Variants in AUTS2 observed in about 807,000 individuals in gnomAD.
AUTS2 encodes the protein activator of transcription and developmental regulator AUTS2.
AUTS2 carries 17 observed loss-of-function variants against 112.4 expected under a neutral mutation model. The observed-to-expected ratio is 0.15, with a 90% CI of 0.10 to 0.23. The LOEUF (loss-of-function observed/expected upper bound fraction) is 0.23, where lower values mean the gene tolerates loss of function less well. AUTS2 is among the 10% of genes least tolerant of loss of function. AUTS2 has a pLI of 1.00. For synonymous variants in AUTS2, 751 were observed against 702.7 expected, an observed-to-expected ratio of 1.07 and a Z score of -1.09; for missense variants, 1,510 against 1,701.6, an observed-to-expected ratio of 0.89 and a Z score of 1.98.
At chr7:70,662,306 C>A (rs1454476565) in intron 5 of AUTS2, among the ~76,000 whole-genome samples, 2 of 152,248 alleles carry the variant, frequency 1.3e-5, no homozygotes, top group Non-Finnish European at 2.9e-5. Context: ...TATCCTGGAA[C>A]AGGCACCACC....
At chr7:69,655,661 C>T in intron 1 of AUTS2, among the ~76,000 whole-genome samples, 1 of 152,078 alleles carries the variant, frequency 6.6e-6, no homozygotes, top group Non-Finnish European at 1.5e-5. Flanking sequence ...CCTCTTGGCC[C>T]CACCCAGAGA....
intron 5 of AUTS2, among the ~76,000 whole-genome samples, chr7:70,550,488 A>C: frequency 6.6e-6 from 1 of 152,206 alleles, no homozygotes. Flanking sequence ...AAAGAAGTTA[A>C]GCCCCATTTG....
chr7:70,614,352 C>T (rs1029898635), intron 5 of AUTS2, among the ~76,000 whole-genome samples: 4 of 152,144 alleles, frequency 2.6e-5, no homozygotes, highest in African/African-American at 4.8e-5. Flanking sequence ...TCCATGACAA[C>T]GCCTTGGATG....
chr7:69,957,053 T>C (rs1797242030), intron 2 of AUTS2, among the ~76,000 whole-genome samples: 2 of 148,942 alleles, frequency 1.3e-5, no homozygotes, highest in African/African-American at 2.4e-5. Context: ...GTTCTTTCTT[T>C]TTTTTTTTTT....
chr7:69,683,738 A>G (rs1461055199), intron 1 of AUTS2, among the ~76,000 whole-genome samples: 1 of 147,494 alleles, frequency 6.8e-6, no homozygotes, highest in Non-Finnish European at 1.5e-5. Context: ...TGTCTCTACT[A>G]AAAAAAAAAC....
At chr7:70,122,649 T>C (rs1185715091) in intron 3 of AUTS2, among the ~76,000 whole-genome samples, 1 of 152,172 alleles carries the variant, frequency 6.6e-6, no homozygotes, top group Non-Finnish European at 1.5e-5. Context: ...GAAAAAAATT[T>C]GTGGGCATAT....
At chr7:70,135,452 A>T (rs1584774276) in intron 4 of AUTS2, among the ~76,000 whole-genome samples, 1 of 152,190 alleles carries the variant, frequency 6.6e-6, no homozygotes, top group African/African-American at 2.4e-5. Context: ...TAGTGAAATC[A>T]TGAAAATCAA....
At chr7:70,630,981 T>C (rs1341486426) in intron 5 of AUTS2, among the ~76,000 whole-genome samples, 1 of 152,216 alleles carries the variant, frequency 6.6e-6, no homozygotes, top group Non-Finnish European at 1.5e-5. Context: ...AAATGGATTT[T>C]TTTTTTGAGC....
In AUTS2 at chr7:70,094,717, T is replaced by C. The variant is rs1804100074; in HGVS notation, c.523-23415T>C. Among the ~76,000 whole-genome samples the C allele has an allele frequency of 2.0e-5, 3 of 152,274 alleles. No individual in the cohort carries two copies. In the South Asian group the frequency reaches 6.2e-4, roughly 32 times the overall value. On this transcript the variant is annotated intron_variant, in intron 2 of 18. Transcript: ENST00000342771. Reference sequence around the variant, plus strand: ...CCCCATCCTCAGACCCTGCCAACAATTGAAAGTCTGAGAGGTAATAAGAAA... The same window carrying C: ...CCCCATCCTCAGACCCTGCCAACAACTGAAAGTCTGAGAGGTAATAAGAAA...
At position 69,866,970 on chromosome 7, in the gene AUTS2, T is replaced by C. The variant is rs1007425767; in HGVS notation, c.310-32316T>C. Among the ~76,000 whole-genome samples the C allele has an allele frequency of 3.3e-5, 5 of 152,304 alleles. No homozygotes were observed. In the East Asian group the frequency reaches 9.7e-4, roughly 29 times the overall value. The stretch of plus-strand genomic sequence containing the variant: ...TCTGTCAGCCTGGAAAAAGGACCCA[T>C]GTATCACTCAGTGGTTCTTTAGCCA... On this transcript the variant is annotated intron_variant, in intron 1 of 18. Transcript: ENST00000342771.
At position 70,763,177 on chromosome 7, in the gene AUTS2, C is replaced by G; in HGVS notation, c.1050C>G (p.Leu350=). Residue 350 remains leucine (L), a synonymous_variant, in exon 7 of 19, where the codon CTC becomes CTG. Transcript: ENST00000342771. The part of the protein sequence containing the change: ...QPPQGPPEAQ[L]QPAPQPQVQR... ...CACAGGGCCCTCCTGAGGCCCAGCTCCAGCCTGCCCCGCAGCCTCAGGTGC... is the reference window on the plus strand; with the variant it reads ...CACAGGGCCCTCCTGAGGCCCAGCTGCAGCCTGCCCCGCAGCCTCAGGTGC... 11 of 1,613,970 alleles carry G rather than the reference C, an allele frequency of 6.8e-6. No individual in the cohort carries two copies. Among genetic ancestry groups the G allele is most frequent in the Non-Finnish European group, 9.3e-6 (11 of 1,179,934 alleles).
chr7:69,849,273 A>T (rs1792352659), intron 1 of AUTS2, among the ~76,000 whole-genome samples: 1 of 152,220 alleles, frequency 6.6e-6, no homozygotes, highest in Non-Finnish European at 1.5e-5. Flanking sequence ...ATAGGTTTTT[A>T]AAATCTATTA....
chr7:70,123,687 T>C (rs186353059), intron 3 of AUTS2, among the ~76,000 whole-genome samples: 4 of 152,328 alleles, frequency 2.6e-5, no homozygotes, highest in Admixed American at 1.3e-4. Flanking sequence ...ATCTTGTTGA[T>C]TTTTATGGCA....
chr7:70,731,420 CTTTTTTTTTTTT>C (rs56244002), intron 6 of AUTS2, among the ~76,000 whole-genome samples: 6 of 69,484 alleles, frequency 8.6e-5, no homozygotes, highest in East Asian at 5.6e-4. Context: ...TTACCCAGAT[CTTTTTTTTTTTT>C]TTTTTTTTTT....
intron 2 of AUTS2, among the ~76,000 whole-genome samples, chr7:69,904,818 A>G (rs1795092861): frequency 1.3e-5 from 2 of 152,194 alleles, no homozygotes. Context: ...TAAAGTATAG[A>G]AATAAGAAAA....
intron 5 of AUTS2, among the ~76,000 whole-genome samples, chr7:70,616,229 T>C (rs111603395): frequency 0.024 from 3,688 of 152,290 alleles, 150 homozygotes; most frequent in African/African-American, 0.085. Flanking sequence ...CTAGGCCTTA[T>C]GCTAAAACTC....
chr7:70,773,152 T>C (rs897153174), intron 11 of AUTS2, among the ~76,000 whole-genome samples: 1 of 152,082 alleles, frequency 6.6e-6, no homozygotes, highest in African/African-American at 2.4e-5. Context: ...GCTGATTGCT[T>C]TTCTTTCTTT....
At chr7:70,063,066 A>G (rs1435211980) in intron 2 of AUTS2, among the ~76,000 whole-genome samples, 1 of 152,086 alleles carries the variant, frequency 6.6e-6, no homozygotes, top group African/African-American at 2.4e-5. Context: ...TTCAGAGTGT[A>G]GGGCAACCTG....
chr7:69,624,999 T>C (rs1206693646), intron 1 of AUTS2, among the ~76,000 whole-genome samples: 1 of 141,336 alleles, frequency 7.1e-6, no homozygotes, highest in African/African-American at 2.7e-5. Context: ...AGATAAATTA[T>C]CTGACCTCTG....
Sources: gnomAD v4.1 joint callset for allele counts (sites outside exome capture counted in the v4.1 genomes callset) on GRCh38, gnomAD v4.1.1 for gene constraint, MANE v1.5 for transcripts, NCBI Gene and HGNC (gene_info 2026-07-23, HGNC 2026-07-21) for gene names.